The following UBE2W variants were observed in gnomAD, a reference collection of about 807,000 sequenced individuals.
UBE2W encodes the protein ubiquitin conjugating enzyme E2 W.
UBE2W carries 18 observed loss-of-function variants against 27.2 expected under a neutral mutation model. The observed-to-expected ratio is 0.66, with a 90% CI of 0.46 to 0.98. The LOEUF (loss-of-function observed/expected upper bound fraction) is 0.98, where lower values mean the gene tolerates loss of function less well. Ranked by LOEUF, UBE2W falls within the 50% of genes least tolerant of loss-of-function variation. The probability of loss-of-function intolerance (pLI) is 0.00; values close to 1 mark genes in which losing one functional copy is unlikely to be tolerated. For missense variants in UBE2W, 90 were observed against 180.2 expected, an observed-to-expected ratio of 0.50 and a Z score of 2.87; for synonymous variants, 53 against 57.2, an observed-to-expected ratio of 0.93 and a Z score of 0.33.
intron 1 of UBE2W, among the ~76,000 whole-genome samples, chr8:73,835,476 C>A (rs1006439755): frequency 4.6e-5 from 7 of 152,172 alleles, no homozygotes; most frequent in African/African-American, 1.7e-4. Flanking sequence ...GGTGCGATGG[C>A]TCATGCCTGT....
rs191748564 is a variant in UBE2W at position 73,858,470 on chromosome 8, A to T, written c.15+20338T>A. The stretch of plus-strand genomic sequence containing the variant: ...ATACTGACTTATAAAATCAGTTTTG[A>T]CATCCTACGTTGCCAATTCAAGAAA... On this transcript the variant is annotated intron_variant, in intron 1 of 5. Transcript: ENST00000602593. Among the ~76,000 whole-genome samples the T allele has an allele frequency of 3.4e-3, 518 of 152,092 alleles. 6 individuals are homozygous for T. Among genetic ancestry groups the T allele is most frequent in the Admixed American group, 4.5e-3 (68 of 15,276 alleles).
At chr8:73,805,008 C>T (rs1482933941) in intron 5 of UBE2W, among the ~76,000 whole-genome samples, 1 of 151,900 alleles carries the variant, frequency 6.6e-6, no homozygotes, top group East Asian at 2.0e-4. Context: ...CAGGCGTAGG[C>T]CACCATGCCT....
intron 3 of UBE2W, 111 bp downstream of exon 3, chr8:73,825,036 C>T: frequency 1.6e-6 from 1 of 627,102 alleles, no homozygotes; most frequent in East Asian, 2.8e-5. Flanking sequence ...AATGAAATAA[C>T]AAATCCATCT....
intron 2 of UBE2W, among the ~76,000 whole-genome samples, chr8:73,826,190 C>T (rs1404262995): frequency 6.6e-6 from 1 of 152,170 alleles, no homozygotes; most frequent in African/African-American, 2.4e-5. Flanking sequence ...GCCATCTATG[C>T]AAGCCTTTGT....
At chr8:73,870,250 C>CA in intron 1 of UBE2W, 6 of 1,582,094 alleles carry the variant, frequency 3.8e-6, no homozygotes, top group African/African-American at 1.3e-5. Flanking sequence ...AGAGGATTGG[C>CA]AAAAAAACAC....
At chr8:73,782,743 G>A (rs1807866997), downstream of UBE2W, among the ~76,000 whole-genome samples, 1 of 152,134 alleles carries the variant, frequency 6.6e-6, no homozygotes, top group Admixed American at 6.5e-5. Context: ...AGTGTACAAG[G>A]CCTTTTGTGG....
chr8:73,780,806 G>T (rs1807827860), intron 4 of UBE2W, among the ~76,000 whole-genome samples: 1 of 152,000 alleles, frequency 6.6e-6, no homozygotes, highest in Admixed American at 6.6e-5. Context: ...TTACAGGTGT[G>T]AGCCACGACG....
intron 3 of UBE2W, among the ~76,000 whole-genome samples, chr8:73,818,953 C>A (rs1220008623): frequency 1.3e-5 from 2 of 152,164 alleles, no homozygotes; most frequent in Non-Finnish European, 1.5e-5. Context: ...AATTACCCAG[C>A]CTCAGGTCTT....
Position 73,787,710 on chromosome 8 carries a change from G to A in UBE2W, c.*6392C>T, listed in dbSNP as rs115179120. ...CTTTCCTCTTCTTGCAGCTTCAAGA[G>A]TCACTCATTTAAGTCATTAGTTGAT... On this transcript the variant is annotated 3_prime_UTR_variant, in exon 6 of 6. Transcript: ENST00000602593. The A allele has an allele frequency of 5.4e-4, 528 of 985,406 alleles. 3 individuals carry two copies. The African/African-American group carries it at 8.9e-3, about 17-fold the overall frequency. The allele number at this position is 985,406 out of a possible 1,614,324, so 61.0% of individuals were successfully genotyped here. A position where few individuals can be genotyped will look rare whatever the true frequency, so the allele number is the denominator to read the frequency against.
At chr8:73,805,472 C>CAAAAAAAAAAAAAAAAAAAAACAAAA in intron 5 of UBE2W, among the ~76,000 whole-genome samples, 179 bp downstream of exon 5, 1 of 43,674 alleles carries the variant, frequency 2.3e-5, no homozygotes, top group Non-Finnish European at 5.0e-5. Flanking sequence ...AAAAAAAAAA[C>CAAAAAAAAAAAAAAAAAAAAACAAAA]AAAAAAAACT....
At chr8:73,873,668 T>A (rs75085588) in intron 1 of UBE2W, among the ~76,000 whole-genome samples, 1,915 of 151,934 alleles carry the variant, frequency 0.013, 35 homozygotes, top group African/African-American at 0.035. Flanking sequence ...AGAGAAAAAA[T>A]TTTAAAAGCT....
chr8:73,815,286 G>T (rs1000155857), intron 3 of UBE2W, among the ~76,000 whole-genome samples: 2 of 152,092 alleles, frequency 1.3e-5, no homozygotes, highest in African/African-American at 4.8e-5. Flanking sequence ...AAGGTGAGAG[G>T]ATTGTTTGAG....
In UBE2W at chr8:73,786,312, G is replaced by C. The variant is rs768019519; in HGVS notation, c.*7790C>G. ...CTGTTATACATTTTACTCAGGTGGT[G>C]GTTCTGGATATATGTTTCAAAATAG... is the stretch of plus-strand genomic sequence containing the variant. On this transcript the variant is annotated 3_prime_UTR_variant, in exon 6 of 6. Transcript: ENST00000602593. 174 of 985,306 alleles carry C rather than the reference G, an allele frequency of 1.8e-4. No individual in the cohort carries two copies. The highest frequency in any genetic ancestry group is 1.9e-4 in the Non-Finnish European group (161 of 829,934). The allele number at this position is 985,306 out of a possible 1,614,324, so 61.0% of individuals were successfully genotyped here.
At chr8:73,836,118 C>T (rs1235280246) in intron 1 of UBE2W, among the ~76,000 whole-genome samples, 2 of 152,180 alleles carry the variant, frequency 1.3e-5, no homozygotes, top group East Asian at 3.8e-4. Context: ...GACCACTGCT[C>T]CATCCTCCCC....
At chr8:73,853,376 C>T (rs1418123446) in intron 1 of UBE2W, among the ~76,000 whole-genome samples, 10 of 152,120 alleles carry the variant, frequency 6.6e-5, no homozygotes. Flanking sequence ...GCAATGCTCC[C>T]GCCTCAGCCT....
At chr8:73,807,101 T>G (rs1047217435) in intron 4 of UBE2W, among the ~76,000 whole-genome samples, 1 of 152,260 alleles carries the variant, frequency 6.6e-6, no homozygotes, top group Admixed American at 6.5e-5. Flanking sequence ...AAATTTATAT[T>G]AAAGCTATAT....
downstream of UBE2W, among the ~76,000 whole-genome samples, chr8:73,781,684 A>ATCT (rs1807848390): frequency 6.8e-6 from 1 of 147,258 alleles, no homozygotes; most frequent in Non-Finnish European, 1.5e-5. Flanking sequence ...GAGTGCAGCG[A>ATCT]TCTTCTTACC....
chr8:73,844,995 C>G (rs1179262121), intron 1 of UBE2W, among the ~76,000 whole-genome samples: 1 of 76,964 alleles, frequency 1.3e-5, no homozygotes, highest in Non-Finnish European at 3.2e-5. Flanking sequence ...GCCCTGCAGC[C>G]GCCCCGTCCA....
chr8:73,868,565 C>T (rs1005255967), intron 1 of UBE2W, among the ~76,000 whole-genome samples: 13 of 152,074 alleles, frequency 8.5e-5, no homozygotes, highest in African/African-American at 3.1e-4. Flanking sequence ...GGACACAAGT[C>T]GTGGGTAACC....
Sources: gnomAD v4.1 joint callset for allele counts (sites outside exome capture counted in the v4.1 genomes callset) on GRCh38, gnomAD v4.1.1 for gene constraint, MANE v1.5 for transcripts, NCBI Gene and HGNC (gene_info 2026-07-23, HGNC 2026-07-21) for gene names.